Variants in OR51B5 observed in about 807,000 individuals in gnomAD.
OR51B5 encodes olfactory receptor 51B5.
For synonymous variants in OR51B5, 186 were observed against 144.8 expected (o/e 1.28, Z -2.04); for missense variants, 456 against 374.6 (o/e 1.22, Z -1.79).
intron 1 of OR51B5, chr11:5,354,782 C>T: frequency 5.3e-6 from 1 of 190,110 alleles, no homozygotes; most frequent in Non-Finnish European, 1.1e-5. Flanking sequence ...CCAGGGAAAG[C>T]TGCTGAGACA....
At chr11:5,357,921 T>C (rs1564919671) in intron 1 of OR51B5, among the ~76,000 whole-genome samples, 1 of 151,794 alleles carries the variant, frequency 6.6e-6, no homozygotes, top group East Asian at 1.9e-4. Context: ...AAGGCAGAAA[T>C]AAAAATGTTC....
At chr11:5,356,335 G>C (rs1162445182) in intron 1 of OR51B5, among the ~76,000 whole-genome samples, 2 of 151,948 alleles carry the variant, frequency 1.3e-5, no homozygotes, top group Non-Finnish European at 1.5e-5. Context: ...GAATGCACAA[G>C]ACTCAGTAGC....
intron 1 of OR51B5, among the ~76,000 whole-genome samples, chr11:5,492,469 T>C (rs1851595303): frequency 1.3e-5 from 2 of 152,148 alleles, no homozygotes; most frequent in Admixed American, 1.3e-4. Flanking sequence ...CATTGTGATT[T>C]AGATTATTCT....
At position 5,440,982 on chromosome 11, in the gene OR51B5, T is replaced by G. The variant is rs746573144; in HGVS notation, n.84+64587A>C. The G allele has an allele frequency of 7.4e-6, 12 of 1,613,652 alleles. No individual in the cohort carries two copies. The highest frequency in any genetic ancestry group is 1.0e-5 in the Non-Finnish European group (12 of 1,179,874). ...GAGATCTGGATGGAGACAGTAGGAG[T>G]GATGCAAAACATTGCCTTTGCAGAA... On this transcript the variant is annotated intron_variant and non_coding_transcript_variant, in intron 1 of 4. Transcript: ENST00000415970.
chr11:5,468,010 A>G (rs1183954991), intron 1 of OR51B5, among the ~76,000 whole-genome samples: 1 of 152,120 alleles, frequency 6.6e-6, no homozygotes, highest in Admixed American at 6.5e-5. Context: ...GATTATTCTT[A>G]TTTATTTCAG....
chr11:5,401,880 T>TCTC (rs1554887898), intron 1 of OR51B5, among the ~76,000 whole-genome samples: 35 of 146,516 alleles, frequency 2.4e-4, no homozygotes, highest in Middle Eastern at 3.4e-3. Context: ...TTCCTTCCTT[T>TCTC]TCTCTCTCTT....
At chr11:5,466,218 T>C (rs1199939520) in intron 1 of OR51B5, among the ~76,000 whole-genome samples, 2 of 152,212 alleles carry the variant, frequency 1.3e-5, no homozygotes, top group Non-Finnish European at 2.9e-5. Context: ...CAAATATATT[T>C]TATTTCATAA....
At chr11:5,485,067 T>TA (rs1334739509) in intron 1 of OR51B5, among the ~76,000 whole-genome samples, 1 of 152,162 alleles carries the variant, frequency 6.6e-6, no homozygotes, top group Non-Finnish European at 1.5e-5. Flanking sequence ...TATGGTACCC[T>TA]AACTATGATT....
At chr11:5,357,562 A>G (rs558336692) in intron 1 of OR51B5, among the ~76,000 whole-genome samples, 1 of 152,026 alleles carries the variant, frequency 6.6e-6, no homozygotes, top group East Asian at 1.9e-4. Context: ...CATTAGACAG[A>G]TCAACATTAG....
chr11:5,361,095 C>A (rs1279037544), intron 1 of OR51B5, among the ~76,000 whole-genome samples: 3 of 152,176 alleles, frequency 2.0e-5, no homozygotes, highest in African/African-American at 7.2e-5. Context: ...ACATATGTAA[C>A]AAACCTGCAC....
At chr11:5,466,291 T>G (rs1851137993) in intron 1 of OR51B5, among the ~76,000 whole-genome samples, 1 of 152,236 alleles carries the variant, frequency 6.6e-6, no homozygotes, top group Non-Finnish European at 1.5e-5. Context: ...TAGACAATAG[T>G]AAAACTATAT....
intron 1 of OR51B5, among the ~76,000 whole-genome samples, chr11:5,362,388 C>T (rs546794739): frequency 1.2e-4 from 18 of 152,270 alleles, no homozygotes; most frequent in African/African-American, 4.1e-4. Context: ...ATTTGTAGAT[C>T]AGATGATCAG....
chr11:5,414,925 C>T (rs1850215515), intron 1 of OR51B5, among the ~76,000 whole-genome samples: 1 of 152,172 alleles, frequency 6.6e-6, no homozygotes, highest in Admixed American at 6.5e-5. Context: ...CCAAGCGGAC[C>T]TAATAAACAT....
chr11:5,454,116 G>A, intron 1 of OR51B5: 1 of 1,614,156 alleles, frequency 6.2e-7, no homozygotes, highest in South Asian at 1.1e-5. Context: ...CTTTGGCATG[G>A]ACCTGTTTTT....
chr11:5,466,501 G>C (rs1046325579), intron 1 of OR51B5, among the ~76,000 whole-genome samples: 2 of 152,110 alleles, frequency 1.3e-5, no homozygotes, highest in Non-Finnish European at 1.5e-5. Flanking sequence ...ACACTGAAAT[G>C]TTAGCATTAA....
chr11:5,504,437 T>A (rs11037865), intron 1 of OR51B5, among the ~76,000 whole-genome samples: 68 of 152,292 alleles, frequency 4.5e-4, no homozygotes, highest in Non-Finnish European at 6.8e-4. Flanking sequence ...TGTGACTCTA[T>A]CTTCTCTTCG....
chr11:5,505,622 A>T (rs1846361508), exon 1 of OR51B5: 1 of 488,848 alleles, frequency 2.0e-6, no homozygotes. Context: ...AGCAAGTCAC[A>T]TCCTACTGGA....
At chr11:5,389,778 TC>T in intron 1 of OR51B5, 1 of 1,613,998 alleles carries the variant, frequency 6.2e-7, no homozygotes, top group Non-Finnish European at 8.5e-7. Flanking sequence ...TCCTCAGTGC[TC>T]CTCATGATGT....
chr11:5,367,239 C>T (rs1328331389), intron 1 of OR51B5, among the ~76,000 whole-genome samples: 1 of 152,138 alleles, frequency 6.6e-6, no homozygotes, highest in Non-Finnish European at 1.5e-5. Flanking sequence ...AAAGGAGTCA[C>T]AATCCAGACC....
Sources: allele counts gnomAD v4.1 joint callset (sites outside exome capture counted in the v4.1 genomes callset), GRCh38; gene constraint gnomAD v4.1.1; transcripts MANE v1.5; gene names NCBI Gene and HGNC (gene_info 2026-07-23, HGNC 2026-07-21).